ZNF165: variants seen among roughly 807,000 people sequenced by gnomAD.
ZNF165 encodes cancer/testis antigen 53.
ZNF165 carries 14 observed loss-of-function variants against 19.6 expected under a neutral mutation model. The ratio of observed to expected loss-of-function variants is 0.71; its 90% CI spans 0.47 to 1.12. ZNF165 has a LOEUF of 1.12. ZNF165 is among the 50% of genes most tolerant of loss of function. ZNF165 has a pLI of 0.00. For missense variants in ZNF165, 504 were observed against 566.3 expected (o/e 0.89, Z 1.12); for synonymous variants, 165 against 195.0 (o/e 0.85, Z 1.28).
chr6:28,082,285 A>G (rs928017820), intron 1 of ZNF165, among the ~76,000 whole-genome samples: 1 of 152,044 alleles, frequency 6.6e-6, no homozygotes, highest in African/African-American at 2.4e-5. Flanking sequence ...ATCTTCAACT[A>G]CCCTTTTCAT....
At position 28,086,289 on chromosome 6, in the gene ZNF165, C is replaced by T. The variant is rs1764273527; in HGVS notation, c.529C>T (p.Pro177Ser). ...CAAGGCCCATTTTGATTCATCAGAA[C>T]CCCAGCTCCTATGGGACTGTGGTGA... ...ETKAHFDSSE[P>S]QLLWDCDNES... The change falls in exon 3 of 4, where the codon CCC becomes TCC. Residue 177 changes from proline (P) to serine (S), a missense_variant. Transcript: ENST00000683778. 2 of 1,614,106 alleles carry T rather than the reference C, an allele frequency of 1.2e-6. No homozygotes were observed. Among genetic ancestry groups the T allele is most frequent in the Non-Finnish European group, 1.7e-6 (2 of 1,179,982 alleles).
intron 3 of ZNF165, among the ~76,000 whole-genome samples, chr6:28,087,235 T>G (rs1041841478): frequency 6.6e-6 from 1 of 152,088 alleles, no homozygotes; most frequent in South Asian, 2.1e-4. Context: ...TTTTTTGGTT[T>G]GTTTGTTTTG....
At position 28,088,917 on chromosome 6, in the gene ZNF165, A is replaced by C; in HGVS notation, c.905A>C (p.Lys302Thr). The change falls in exon 4 of 4, where the codon AAA (lysine) becomes ACA (threonine). Residue 302 changes from lysine (K) to threonine (T), a missense_variant. Transcript: ENST00000683778. ...CATGGTACCTGTGACCAGAGCTTCA[A>C]ATGGAACTCAGATTTTATTAACCAT... ...CKHGTCDQSF[K>T]WNSDFINHQI... is the part of the protein sequence containing the mutation. 1 of 1,614,218 alleles carries C rather than the reference A, an allele frequency of 6.2e-7. No homozygotes were observed. The highest frequency in any genetic ancestry group is 2.2e-5 in the East Asian group (1 of 44,880).
intron 3 of ZNF165, among the ~76,000 whole-genome samples, chr6:28,087,261 C>T (rs1764296807): frequency 6.6e-6 from 1 of 152,078 alleles, no homozygotes; most frequent in Non-Finnish European, 1.5e-5. Flanking sequence ...TTTTGTTTTT[C>T]CTGACACAGA....
intron 1 of ZNF165, among the ~76,000 whole-genome samples, chr6:28,083,626 G>A (rs754206746): frequency 4.6e-5 from 7 of 152,172 alleles, no homozygotes; most frequent in Non-Finnish European, 7.3e-5. Flanking sequence ...GACTACCTGC[G>A]TCAGAGATAA....
rs1764253418 is a variant in ZNF165 at position 28,085,519 on chromosome 6, T to G, written c.39T>G (p.Ser13=). ...CAAAGAAAGCTGCAGCCCAGAACTC[T>G]CCAGAGGATGAAGGACTTCTGATAG... The part of the protein sequence containing the change: ...TEPKKAAAQN[S]PEDEGLLIVK... The change falls in exon 2 of 4, where the codon TCT becomes TCG. Residue 13 remains serine (S), a synonymous_variant. Transcript: ENST00000683778. The G allele has an allele frequency of 2.5e-6, 4 of 1,614,026 alleles. No individual in the cohort carries two copies. The highest frequency in any genetic ancestry group is 1.1e-5 in the South Asian group (1 of 91,070).
chr6:28,085,080 A>G (rs1482928498), intron 1 of ZNF165, among the ~76,000 whole-genome samples: 1 of 152,140 alleles, frequency 6.6e-6, no homozygotes, highest in African/African-American at 2.4e-5. Context: ...CATTGCAACC[A>G]TCTGTATTTT....
intron 1 of ZNF165, 91 bp from the exon 2 acceptor site, chr6:28,085,390 C>A: frequency 7.6e-7 from 1 of 1,310,954 alleles, no homozygotes; most frequent in Non-Finnish European, 1.1e-6. Flanking sequence ...TCTTCTTAGA[C>A]AGTAATAGTA....
chr6:28,085,967 A>G, intron 2 of ZNF165, 76 bp downstream of exon 2: 1 of 1,564,640 alleles, frequency 6.4e-7, no homozygotes, highest in Non-Finnish European at 8.6e-7. Flanking sequence ...CCGAGATTGC[A>G]TATCTAGCTT....
chr6:28,085,867 A>G lies in ZNF165; in HGVS notation c.387A>G (p.Arg129=), dbSNP rs1481403475. The stretch of plus-strand genomic sequence containing the variant: ...TGACCATACTAGAAGATTTGGAGAG[A>G]GGCACTGATGAAGCAGTACTCCAGG... The part of the protein sequence containing the change: ...EAVTILEDLE[R]GTDEAVLQVQ... Residue 129 remains arginine (R), a synonymous_variant, in exon 2 of 4, where the codon AGA becomes AGG. Transcript: ENST00000683778. 6.2e-7 allele frequency: 1 copy of G among 1,612,044 alleles called. No individual in the cohort carries two copies. Among genetic ancestry groups the G allele is most frequent in the East Asian group, 2.2e-5 (1 of 44,882 alleles).
chr6:28,080,645 G>C lies in ZNF165; in HGVS notation c.-326G>C, dbSNP rs1383953485. The C allele has an allele frequency of 7.2e-6, 1 of 139,086 alleles. No homozygotes were observed. Among genetic ancestry groups the C allele is most frequent in the Non-Finnish European group, 1.6e-5 (1 of 64,230 alleles). 8.6% of individuals were successfully genotyped at this position (139,086 alleles called of 1,614,324 possible). Reference sequence around the variant, plus strand: ...CCTGACCTCGTGATCCGCCCGTCTCGGCCTCCCAAAGTGCTGGGACTGCAG... The same window carrying C: ...CCTGACCTCGTGATCCGCCCGTCTCCGCCTCCCAAAGTGCTGGGACTGCAG... On this transcript the variant is annotated 5_prime_UTR_variant, in exon 1 of 4. Transcript: ENST00000683778.
chr6:28,085,441 C>T (rs1335634717), intron 1 of ZNF165, 40 bp from the exon 2 acceptor site: 1 of 1,578,646 alleles, frequency 6.3e-7, no homozygotes, highest in South Asian at 1.2e-5. Flanking sequence ...CTAAAGAAGA[C>T]CCTTTCCAAA....
chr6:28,082,877 T>C (rs1764188056), intron 1 of ZNF165, among the ~76,000 whole-genome samples: 1 of 152,252 alleles, frequency 6.6e-6, no homozygotes, highest in Admixed American at 6.5e-5. Flanking sequence ...TAAATACAGA[T>C]CATCCAAAAC....
chr6:28,086,854 A>T (rs1764288882), intron 3 of ZNF165, among the ~76,000 whole-genome samples: 1 of 152,240 alleles, frequency 6.6e-6, no homozygotes, highest in Non-Finnish European at 1.5e-5. Flanking sequence ...AGGAAATAAA[A>T]GTGAATGAGT....
Position 28,085,590 on chromosome 6 carries a change from T to C in ZNF165, c.110T>C (p.Leu37Ser), listed in dbSNP as rs775316888. The C allele has an allele frequency of 1.9e-6, 3 of 1,614,216 alleles. No homozygotes were observed. The highest frequency in any genetic ancestry group is 2.5e-6 in the Non-Finnish European group (3 of 1,180,036). The change falls in exon 2 of 4, where the codon TTA becomes TCA. Residue 37 changes from leucine (L) to serine (S), a missense_variant. By Grantham distance (145) the Leu-to-Ser change is moderately radical. Transcript: ENST00000683778. ...TTTATCCATGGGCAGGACACTTGCT[T>C]ACAGAGAAGTGAACTCCTTAAGCAG... Reference protein sequence around the residue: ...EEFIHGQDTCLQRSELLKQEL... With the variant: ...EEFIHGQDTCSQRSELLKQEL...
At chr6:28,086,018 C>G in intron 2 of ZNF165, 127 bp downstream of exon 2, 2 of 1,494,002 alleles carry the variant, frequency 1.3e-6, no homozygotes, top group Middle Eastern at 4.7e-4. Context: ...GTCTCCTTTC[C>G]TGTCTGTTTG....
In ZNF165 at chr6:28,089,324, C is replaced by T. The variant is rs749710891; in HGVS notation, c.1312C>T (p.Arg438Ter). ...YECSECGKTF[R>*]VSSHLIRHFR... ...GTGTAGTGAATGTGGGAAAACCTTC[C>T]GAGTGAGCTCACATCTTATTCGACA... The change falls in exon 4 of 4, where the codon CGA (arginine) becomes TGA (stop). Residue 438 changes from arginine to a stop codon, truncating the protein, a stop_gained. Coordinates refer to ENST00000683778, the MANE Select transcript of ZNF165 (RefSeq NM_001376491.1). LOFTEE classifies it low-confidence loss of function (END_TRUNC). 1.8e-5 allele frequency: 29 copies of T among 1,613,992 alleles called. No homozygotes were observed. The highest frequency in any genetic ancestry group is 5.0e-5 in the Admixed American group (3 of 59,998).
chr6:28,088,815 AAAT>A lies in ZNF165; in HGVS notation c.809_811del (p.Ile270del), dbSNP rs1466312732. 5 of 1,614,206 alleles carry A rather than the reference AAAT, an allele frequency of 3.1e-6. No homozygotes were observed. The highest frequency in any genetic ancestry group is 4.2e-6 in the Non-Finnish European group (5 of 1,180,034). The stretch of plus-strand genomic sequence containing the variant: ...ACCCACAAAAATACAGTCAGAGGTG[AAAT>A]AATAAGCCACGATGGATGTGAGAGG... On this transcript the variant is annotated inframe_deletion, in exon 4 of 4. Transcript: ENST00000683778.
chr6:28,086,151 A>G (rs1428781743), intron 2 of ZNF165, 21 bp from the exon 3 acceptor site: 1 of 1,605,794 alleles, frequency 6.2e-7, no homozygotes, highest in South Asian at 1.1e-5. Flanking sequence ...TATAAGCCCA[A>G]ATGTACTTTA....
Sources: allele counts gnomAD v4.1 joint callset (sites outside exome capture counted in the v4.1 genomes callset), GRCh38; gene constraint gnomAD v4.1.1; transcripts MANE v1.5; gene names NCBI Gene and HGNC (gene_info 2026-07-23, HGNC 2026-07-21).